Variants in ECT2L observed in about 807,000 individuals in gnomAD.
The protein encoded by ECT2L is epithelial cell-transforming sequence 2 oncogene-like.
Under a neutral mutation model 122.8 loss-of-function variants are expected in ECT2L, and 126 were observed. That is an observed-to-expected ratio of 1.03 (90% CI 0.89 to 1.19). ECT2L has a LOEUF of 1.19. Ranked by LOEUF, ECT2L falls within the 50% of genes most tolerant of loss-of-function variation. The pLI is 0.00. For synonymous variants in ECT2L, 385 were observed against 381.8 expected, an observed-to-expected ratio of 1.01 and a Z score of -0.10; for missense variants, 1,012 against 1,064.1, an observed-to-expected ratio of 0.95 and a Z score of 0.68.
At chr6:138,862,522 G>T in intron 10 of ECT2L, 105 bp from the exon 11 acceptor site, 2 of 1,114,802 alleles carry the variant, frequency 1.8e-6, no homozygotes, top group Non-Finnish European at 2.7e-6. Context: ...CAACGTTGGG[G>T]ATTAGATTTC....
Position 138,903,166 on chromosome 6 carries a change from T to A in ECT2L, c.*539T>A, listed in dbSNP as rs146062337. 245 of 153,502 alleles carry A rather than the reference T, an allele frequency of 1.6e-3. No homozygotes were observed. The highest frequency in any genetic ancestry group is 2.5e-3 in the Non-Finnish European group (175 of 69,122). 9.5% of individuals were successfully genotyped at this position (153,502 alleles called of 1,614,324 possible). On this transcript the variant is annotated 3_prime_UTR_variant, in exon 22 of 22. Coordinates refer to ENST00000541398, the MANE Select transcript of ECT2L (RefSeq NM_001077706.3). ...TGAGGTCAGGAGTTTGAGACCAGCC[T>A]CACCAACATGGAGAAACCCCGTCTC... is the stretch of plus-strand genomic sequence containing the variant.
intron 4 of ECT2L, among the ~76,000 whole-genome samples, chr6:138,837,654 A>AGC (rs1197984513): frequency 6.7e-6 from 1 of 150,200 alleles, no homozygotes; most frequent in Admixed American, 6.6e-5. Context: ...AAAAAAAAAA[A>AGC]AACAACAATT....
At chr6:138,826,779 C>A (rs542500265) in intron 4 of ECT2L, among the ~76,000 whole-genome samples, 1 of 152,050 alleles carries the variant, frequency 6.6e-6, no homozygotes, top group Non-Finnish European at 1.5e-5. Context: ...GTGTTTGGGT[C>A]ACGGGGGGCA....
At chr6:138,872,782 G>A (rs187357601) in intron 13 of ECT2L, among the ~76,000 whole-genome samples, 1 of 152,172 alleles carries the variant, frequency 6.6e-6, no homozygotes. Context: ...ATCCTTATTG[G>A]ATTCTTTCAC....
In ECT2L at chr6:138,890,492, C is replaced by CTTTTTTTTTT. The variant is rs552594959; in HGVS notation, c.2414+1480_2414+1489dup. 8.7e-3 allele frequency among the ~76,000 whole-genome samples: 686 copies of CTTTTTTTTTT among 78,904 alleles called. 78 individuals carry two copies. Among genetic ancestry groups the CTTTTTTTTTT allele is most frequent in the East Asian group, 0.043 (67 of 1,560 alleles). 51.8% of individuals were successfully genotyped at this position (78,904 alleles called of 152,430 possible). Reference sequence around the variant, plus strand: ...TCATGACATTTTTGTTTTCTTTGATCTTTTTTTTTTTTTTTTTTTTTTTTT... The same window carrying CTTTTTTTTTT: ...TCATGACATTTTTGTTTTCTTTGATCTTTTTTTTTTTTTTTTTTTTTTTTTTTTTTTTTTT... On this transcript the variant is annotated intron_variant, in intron 20 of 21. Coordinates refer to ENST00000541398, the MANE Select transcript of ECT2L (RefSeq NM_001077706.3).
Position 138,860,548 on chromosome 6 carries a change from GCTGTCATC to G in ECT2L, c.1199-2074_1199-2067del, listed in dbSNP as rs1582626133. ...TGAGAGACATCCCAAACTTTCAGCT[GCTGTCATC>G]CTGTTTCATGCAGTAATTGAAGCAT... On this transcript the variant is annotated intron_variant, in intron 10 of 21. Transcript: ENST00000541398. Among the ~76,000 whole-genome samples, 10 of 152,116 alleles carry G rather than the reference GCTGTCATC, an allele frequency of 6.6e-5. No individual in the cohort carries two copies. The East Asian group carries it at 1.9e-3, about 29-fold the overall frequency.
Position 138,843,131 on chromosome 6 carries a change from G to C in ECT2L, c.495G>C (p.Gly165=), listed in dbSNP as rs758517037. The change falls in exon 6 of 22, where the codon GGG becomes GGC. Residue 165 remains glycine (G), a synonymous_variant. Transcript: ENST00000541398. ...LTPREAAATY[G]TLNEPKTEDE... ...CTAGGGAGGCTGCTGCTACTTATGG[G>C]ACGCTGAATGAACCCAAAACAGAAG... The C allele has an allele frequency of 4.3e-5, 69 of 1,614,008 alleles. No individual in the cohort carries two copies. Among genetic ancestry groups the C allele is most frequent in the Admixed American group, 3.2e-4 (19 of 59,996 alleles).
chr6:138,894,424 C>G (rs551189297), intron 20 of ECT2L, among the ~76,000 whole-genome samples: 1 of 152,146 alleles, frequency 6.6e-6, no homozygotes, highest in Non-Finnish European at 1.5e-5. Flanking sequence ...AGACTTTGGT[C>G]TACAGTACTT....
At chr6:138,858,696 CCTTTTTT>C (rs1187726138) in intron 10 of ECT2L, among the ~76,000 whole-genome samples, 2 of 98,584 alleles carry the variant, frequency 2.0e-5, no homozygotes, top group African/African-American at 7.8e-5. Context: ...CTAGAATTTT[CCTTTTTT>C]TTTTTTTTTT....
intron 4 of ECT2L, chr6:138,822,695 T>A (rs558352032): frequency 2.0e-6 from 3 of 1,502,736 alleles, no homozygotes; most frequent in East Asian, 2.4e-5. Context: ...GCTCCCAGCG[T>A]GAGCGACGCA....
intron 19 of ECT2L, 87 bp downstream of exon 19, chr6:138,887,009 C>A: frequency 1.8e-6 from 2 of 1,102,970 alleles, no homozygotes; most frequent in Non-Finnish European, 1.4e-6. Flanking sequence ...GATCCCAAGG[C>A]AGCTAGTATT....
chr6:138,842,188 G>A (rs529534386), intron 5 of ECT2L, among the ~76,000 whole-genome samples: 1 of 152,342 alleles, frequency 6.6e-6, no homozygotes, highest in South Asian at 2.1e-4. Context: ...GCCAGGTGCA[G>A]TGGCTTACAC....
chr6:138,843,128 T>C lies in ECT2L; in HGVS notation c.492T>C (p.Tyr164=), dbSNP rs1445409839. ...WLTPREAAAT[Y]GTLNEPKTED... Reference sequence around the variant, plus strand: ...CACCTAGGGAGGCTGCTGCTACTTATGGGACGCTGAATGAACCCAAAACAG... The same window carrying C: ...CACCTAGGGAGGCTGCTGCTACTTACGGGACGCTGAATGAACCCAAAACAG... Residue 164 remains tyrosine (Y), a synonymous_variant, in exon 6 of 22, where the codon TAT becomes TAC. Coordinates refer to ENST00000541398, the MANE Select transcript of ECT2L (RefSeq NM_001077706.3). The C allele has an allele frequency of 3.7e-6, 6 of 1,614,054 alleles. No homozygotes were observed. Among genetic ancestry groups the C allele is most frequent in the Non-Finnish European group, 4.2e-6 (5 of 1,180,002 alleles).
intron 12 of ECT2L, 87 bp from the exon 13 acceptor site, chr6:138,868,016 A>G (rs77616535): frequency 0.035 from 24,334 of 699,496 alleles, 250 homozygotes; most frequent in South Asian, 0.041. Context: ...AAAAAAAAAA[A>G]AAAGAAACTG....
intron 1 of ECT2L, among the ~76,000 whole-genome samples, chr6:138,804,888 T>A (rs147787137): frequency 7.6e-4 from 115 of 152,268 alleles, no homozygotes; most frequent in Non-Finnish European, 1.4e-3. Context: ...AACACGCAGA[T>A]CATGAGTGTA....
chr6:138,877,199 G>A (rs1189221769), intron 14 of ECT2L, among the ~76,000 whole-genome samples: 1 of 152,116 alleles, frequency 6.6e-6, no homozygotes, highest in Non-Finnish European at 1.5e-5. Flanking sequence ...CCAGACAATT[G>A]GGCAAGAAAA....
At chr6:138,819,301 CTTTT>C (rs200640503) in intron 4 of ECT2L, among the ~76,000 whole-genome samples, 1 of 150,554 alleles carries the variant, frequency 6.6e-6, no homozygotes, top group African/African-American at 2.4e-5. Flanking sequence ...AGCCAAAGCT[CTTTT>C]TTTTTGTGTG....
At chr6:138,899,908 CAAAT>C (rs1425582397) in intron 20 of ECT2L, among the ~76,000 whole-genome samples, 1 of 152,162 alleles carries the variant, frequency 6.6e-6, no homozygotes, top group African/African-American at 2.4e-5. Flanking sequence ...TCCCACAGGA[CAAAT>C]AACCCACACT....
chr6:138,826,793 C>G (rs1198259307), intron 4 of ECT2L, among the ~76,000 whole-genome samples: 1 of 152,036 alleles, frequency 6.6e-6, no homozygotes, highest in Non-Finnish European at 1.5e-5. Context: ...GGGGGCAGAT[C>G]CCTCATGGTT....
Sources: allele counts gnomAD v4.1 joint callset (sites outside exome capture counted in the v4.1 genomes callset), GRCh38; gene constraint gnomAD v4.1.1; transcripts MANE v1.5; gene names NCBI Gene and HGNC (gene_info 2026-07-23, HGNC 2026-07-21).